Variants in PCDHA3 observed in about 807,000 individuals in gnomAD.
PCDHA3 encodes protocadherin alpha 3.
In PCDHA3, 41 loss-of-function variants were observed where a neutral mutation model predicts 62.2. The ratio of observed to expected loss-of-function variants is 0.66; its 90% CI spans 0.51 to 0.86. The LOEUF (loss-of-function observed/expected upper bound fraction) is 0.86. PCDHA3 is among the 40% of genes least tolerant of loss of function. PCDHA3 has a pLI of 0.00. For missense variants in PCDHA3, 1,304 were observed against 1,241.2 expected, an observed-to-expected ratio of 1.05 and a Z score of -0.76; for synonymous variants, 640 against 555.4, an observed-to-expected ratio of 1.15 and a Z score of -2.14.
chr5:140,809,056 C>A (rs782158159), intron 1 of PCDHA3: 2 of 1,613,762 alleles, frequency 1.2e-6, no homozygotes, highest in Non-Finnish European at 1.7e-6. Flanking sequence ...TCCCGTTCCG[C>A]GTGGGGCTGT....
chr5:140,870,224 C>T, intron 1 of PCDHA3: 1 of 1,614,184 alleles, frequency 6.2e-7, no homozygotes, highest in Admixed American at 1.7e-5. Flanking sequence ...ATCAGCGTGT[C>T]TGACCGTGAC....
In PCDHA3 at chr5:140,914,736, T is replaced by C. The variant is rs76155363; in HGVS notation, c.2395-64213T>C. Among the ~76,000 whole-genome samples, 1,216 of 152,300 alleles carry C rather than the reference T, an allele frequency of 8.0e-3. 6 individuals are homozygous for C. Among genetic ancestry groups the C allele is most frequent in the African/African-American group, 0.019 (785 of 41,570 alleles). On this transcript the variant is annotated intron_variant, in intron 1 of 3. Transcript: ENST00000522353. ...TTTTTTATTTTTTGTGTATCCATTG[T>C]ATGTTTTTCCATTTGAGGTTACATG...
chr5:140,892,250 T>G (rs781827855), intron 1 of PCDHA3, among the ~76,000 whole-genome samples: 2 of 152,182 alleles, frequency 1.3e-5, no homozygotes, highest in Non-Finnish European at 2.9e-5. Flanking sequence ...AACCTGGTTA[T>G]CTTTGATTTT....
At chr5:140,909,038 A>C (rs1396337089) in intron 1 of PCDHA3, among the ~76,000 whole-genome samples, 1 of 152,126 alleles carries the variant, frequency 6.6e-6, no homozygotes, top group African/African-American at 2.4e-5. Context: ...TTTATTTTCC[A>C]TACTCTGGCA....
At position 140,855,615 on chromosome 5, in the gene PCDHA3, G is replaced by A. The variant is rs533931974; in HGVS notation, c.2394+52024G>A. On this transcript the variant is annotated intron_variant, in intron 1 of 3. Coordinates refer to ENST00000522353, the MANE Select transcript of PCDHA3 (RefSeq NM_018906.3). ...ACTCAGTAGTATGCAAATATTAAGG[G>A]CATTTTGAAATTCGGCTATTGATAA... Among the ~76,000 whole-genome samples, 21 of 149,700 alleles carry A rather than the reference G, an allele frequency of 1.4e-4. 1 individual carries two copies. Among genetic ancestry groups the A allele is most frequent in the African/African-American group, 5.1e-4 (21 of 40,910 alleles).
chr5:141,002,841 G>T (rs2098098318), intron 3 of PCDHA3, among the ~76,000 whole-genome samples: 1 of 152,196 alleles, frequency 6.6e-6, no homozygotes, highest in African/African-American at 2.4e-5. Flanking sequence ...CCAGGACTAT[G>T]CACTAGTGAG....
At chr5:140,809,383 C>A (rs558389511) in intron 1 of PCDHA3, 4 of 1,614,038 alleles carry the variant, frequency 2.5e-6, no homozygotes, top group East Asian at 2.2e-5. Context: ...AGGGCGCGTG[C>A]GCTCCGGGCA....
At chr5:140,896,871 TTTATGGG>T (rs1349052738) in intron 1 of PCDHA3, among the ~76,000 whole-genome samples, 1 of 152,200 alleles carries the variant, frequency 6.6e-6, no homozygotes, top group Non-Finnish European at 1.5e-5. Flanking sequence ...AGTGTACATA[TTTATGGG>T]GTATATGAGA....
At chr5:140,829,361 G>C in intron 1 of PCDHA3, 1 of 1,614,230 alleles carries the variant, frequency 6.2e-7, no homozygotes, top group Middle Eastern at 1.7e-4. Flanking sequence ...CTATGAGTTG[G>C]TGGTAACCGC....
Position 140,824,611 on chromosome 5 carries a change from T to TTTTTTTTTTTTG in PCDHA3, c.2394+21031_2394+21032insGTTTTTTTTTTT, listed in dbSNP as rs1768219993. On this transcript the variant is annotated intron_variant, in intron 1 of 3. Coordinates refer to ENST00000522353, the MANE Select transcript of PCDHA3 (RefSeq NM_018906.3). Reference sequence around the variant, plus strand: ...GACTACATGCACATGCTAATTAAAGTTTTTTTTTTTTTTTTTTTTTTATTT... The same window carrying TTTTTTTTTTTTG: ...GACTACATGCACATGCTAATTAAAGTTTTTTTTTTTTGTTTTTTTTTTTTTTTTTTTTTATTT... 2 of 19,836 alleles carry TTTTTTTTTTTTG rather than the reference T, an allele frequency of 1.0e-4. 1 individual carries two copies. The highest frequency in any genetic ancestry group is 3.3e-4 in the African/African-American group (2 of 5,990). The allele number at this position is 19,836 out of a possible 1,614,324, so 1.2% of individuals were successfully genotyped here.
intron 1 of PCDHA3, chr5:140,929,002 T>C (rs1584608620): frequency 6.2e-7 from 1 of 1,614,048 alleles, no homozygotes; most frequent in Non-Finnish European, 8.5e-7. Flanking sequence ...TTTCTTCGTG[T>C]GTACCAAGTT....
intron 1 of PCDHA3, among the ~76,000 whole-genome samples, chr5:140,921,323 G>C (rs192159885): frequency 7.2e-4 from 109 of 151,970 alleles, no homozygotes; most frequent in African/African-American, 2.6e-3. Context: ...GAGCTAATCT[G>C]TCTGGTCCAA....
chr5:140,811,611 C>T (rs1456888905), intron 1 of PCDHA3: 1 of 152,222 alleles, frequency 6.6e-6, no homozygotes, highest in East Asian at 1.9e-4. Context: ...TTTACACTCC[C>T]ACCAACGGTG....
At chr5:140,975,363 G>T (rs1348174294) in intron 1 of PCDHA3, among the ~76,000 whole-genome samples, 3 of 152,220 alleles carry the variant, frequency 2.0e-5, no homozygotes, top group Non-Finnish European at 2.9e-5. Context: ...GTGCTACATA[G>T]CATAATGTAA....
chr5:140,978,721 A>C (rs2096819896), intron 1 of PCDHA3, among the ~76,000 whole-genome samples: 1 of 152,236 alleles, frequency 6.6e-6, no homozygotes, highest in African/African-American at 2.4e-5. Flanking sequence ...CAAGATTATT[A>C]AATCTGGTCT....
Position 140,853,387 on chromosome 5 carries a change from C to T in PCDHA3, c.2394+49796C>T, listed in dbSNP as rs2150531459. 3.0e-6 allele frequency: 3 copies of T among 985,448 alleles called. No homozygotes were observed. In the Admixed American group the frequency reaches 1.9e-4, roughly 62 times the overall value. The allele number at this position is 985,448 out of a possible 1,614,324, so 61.0% of individuals were successfully genotyped here. ...CCAGAGATGGTAAAATTCAAAACAGCCTGTCAAGTTCAAAACAGAGAGGTG... is the reference window on the plus strand; with the variant it reads ...CCAGAGATGGTAAAATTCAAAACAGTCTGTCAAGTTCAAAACAGAGAGGTG... On this transcript the variant is annotated intron_variant, in intron 1 of 3. Coordinates refer to ENST00000522353, the MANE Select transcript of PCDHA3 (RefSeq NM_018906.3).
At chr5:140,904,193 T>C (rs1554191351) in intron 1 of PCDHA3, among the ~76,000 whole-genome samples, 2 of 151,930 alleles carry the variant, frequency 1.3e-5, no homozygotes, top group Non-Finnish European at 2.9e-5. Flanking sequence ...TTCCCACCCT[T>C]TCCCCCTAAG....
At chr5:140,927,481 G>C in intron 1 of PCDHA3, 2 of 1,614,072 alleles carry the variant, frequency 1.2e-6, no homozygotes, top group Non-Finnish European at 1.7e-6. Context: ...CGAACAGCGC[G>C]CCACCCACCT....
chr5:140,871,594 A>G (rs1278020366), intron 1 of PCDHA3: 2 of 1,456,310 alleles, frequency 1.4e-6, no homozygotes, highest in Non-Finnish European at 1.8e-6. Context: ...TTTATGAATA[A>G]CCAGTGTTTT....
Sources: gnomAD v4.1 joint callset for allele counts (sites outside exome capture counted in the v4.1 genomes callset) on GRCh38, gnomAD v4.1.1 for gene constraint, MANE v1.5 for transcripts, NCBI Gene and HGNC (gene_info 2026-07-23, HGNC 2026-07-21) for gene names.